The following CHD9 variants were observed in gnomAD, a reference collection of about 807,000 sequenced individuals.
CHD9 encodes the protein ATP-dependent chromatin remodeler CHD9.
A neutral mutation model predicts 316.1 loss-of-function variants in CHD9; 77 were observed. That is an observed-to-expected ratio of 0.24 (90% CI 0.20 to 0.29). CHD9 has a LOEUF of 0.29. Among genes scored for constraint, CHD9 ranks in the 10% least tolerant of loss-of-function variants. The probability of loss-of-function intolerance (pLI) is 1.00; values close to 1 mark genes in which losing one functional copy is unlikely to be tolerated. For synonymous variants in CHD9, 1,129 were observed against 1,158.3 expected, an observed-to-expected ratio of 0.97 and a Z score of 0.51; for missense variants, 2,763 against 3,438.1, an observed-to-expected ratio of 0.80 and a Z score of 4.91.
chr16:53,186,694 T>G (rs1007171710), intron 2 of CHD9, among the ~76,000 whole-genome samples: 4 of 152,228 alleles, frequency 2.6e-5, no homozygotes, highest in Admixed American at 6.5e-5. Flanking sequence ...AAGGACCAGG[T>G]GGAGATAATT....
At chr16:53,070,625 G>T (rs577304194) in intron 1 of CHD9, among the ~76,000 whole-genome samples, 22 of 150,986 alleles carry the variant, frequency 1.5e-4, no homozygotes, top group African/African-American at 5.4e-4. Context: ...CGTGATCTTG[G>T]CTCACTGCAA....
At chr16:53,150,803 A>G (rs995420205) in intron 1 of CHD9, among the ~76,000 whole-genome samples, 2 of 152,094 alleles carry the variant, frequency 1.3e-5, no homozygotes, top group African/African-American at 4.8e-5. Flanking sequence ...TCATGTCAGC[A>G]CCTCTGGCCT....
chr16:53,189,826 GAT>G (rs2044337424), intron 2 of CHD9, among the ~76,000 whole-genome samples: 1 of 152,020 alleles, frequency 6.6e-6, no homozygotes, highest in Non-Finnish European at 1.5e-5. Flanking sequence ...TATAAATGAA[GAT>G]ATATTTTATT....
At chr16:53,258,167 G>A (rs779949478) in intron 19 of CHD9, among the ~76,000 whole-genome samples, 1 of 152,158 alleles carries the variant, frequency 6.6e-6, no homozygotes, top group African/African-American at 2.4e-5. Flanking sequence ...TTCATAAGCT[G>A]AGTGACCTTG....
At chr16:53,088,977 T>A (rs1490620756) in intron 1 of CHD9, among the ~76,000 whole-genome samples, 1 of 151,996 alleles carries the variant, frequency 6.6e-6, no homozygotes, top group Non-Finnish European at 1.5e-5. Flanking sequence ...CTGAGCATGG[T>A]GATGCGTGCC....
intron 2 of CHD9, among the ~76,000 whole-genome samples, chr16:53,160,131 A>G (rs916865607): frequency 6.6e-6 from 1 of 152,168 alleles, no homozygotes; most frequent in Non-Finnish European, 1.5e-5. Context: ...AGGTGCATCT[A>G]TCTACTTTGT....
intron 1 of CHD9, chr16:53,121,681 TA>T (rs1433554882): frequency 4.4e-6 from 1 of 227,402 alleles, no homozygotes; most frequent in Non-Finnish European, 9.0e-6. Context: ...AGCATGCTTT[TA>T]AATGATCTTT....
At chr16:53,289,425 A>G (rs1308572114) in intron 27 of CHD9, among the ~76,000 whole-genome samples, 1 of 152,130 alleles carries the variant, frequency 6.6e-6, no homozygotes, top group Non-Finnish European at 1.5e-5. Context: ...TGTGGAAAAT[A>G]CATTTATTGA....
intron 3 of CHD9, among the ~76,000 whole-genome samples, chr16:53,210,290 C>CAA (rs5816890): frequency 8.9e-5 from 10 of 112,158 alleles, no homozygotes; most frequent in Non-Finnish European, 1.2e-4. Context: ...AATGAAATGG[C>CAA]AAAAAAAAAA....
intron 24 of CHD9, among the ~76,000 whole-genome samples, chr16:53,274,600 C>A (rs1205957448): frequency 6.6e-6 from 1 of 152,054 alleles, no homozygotes; most frequent in South Asian, 2.1e-4. Flanking sequence ...GGATTACAGG[C>A]ATGCGTCACC....
At chr16:53,160,675 G>T in intron 2 of CHD9, among the ~76,000 whole-genome samples, 1 of 152,282 alleles carries the variant, frequency 6.6e-6, no homozygotes, top group South Asian at 2.1e-4. Context: ...GGGAGGCCGC[G>T]GTGGGTGGAT....
rs113647852 is a variant in CHD9 at position 53,107,950 on chromosome 16, A to G, written c.-164-47976A>G. ...GGGAGAAAAACAAAGCAGGGGATACAATAGGGAGGGAGGGGTGAAGGGAGA... is the reference window on the plus strand; with the variant it reads ...GGGAGAAAAACAAAGCAGGGGATACGATAGGGAGGGAGGGGTGAAGGGAGA... On this transcript the variant is annotated intron_variant, in intron 1 of 38. Transcript: ENST00000447540. Among the ~76,000 whole-genome samples the G allele has an allele frequency of 6.9e-3, 1,048 of 152,266 alleles. 10 individuals carry two copies. Among genetic ancestry groups the G allele is most frequent in the African/African-American group, 0.024 (1,009 of 41,560 alleles).
At position 53,324,168 on chromosome 16, in the gene CHD9, A is replaced by G. The variant is rs776017345; in HGVS notation, c.7967A>G (p.Asn2656Ser). The G allele has an allele frequency of 1.9e-6, 3 of 1,613,914 alleles. No homozygotes were observed. Among genetic ancestry groups the G allele is most frequent in the African/African-American group, 1.3e-5 (1 of 74,938 alleles). ...GCATCTGCCACCAGTGTTTCAGGCA[A>G]TCCTTTGTTAGCCAATGGACTACTT... Reference protein sequence around the residue: ...AAASATSVSGNPLLANGLLPG... With the variant: ...AAASATSVSGSPLLANGLLPG... The change falls in exon 39 of 39, where the codon AAT becomes AGT. Residue 2656 changes from asparagine to serine, a missense_variant. Coordinates refer to ENST00000447540, the MANE Select transcript of CHD9 (RefSeq NM_001308319.2).
At chr16:53,139,602 A>G (rs2039955856) in intron 1 of CHD9, among the ~76,000 whole-genome samples, 1 of 152,178 alleles carries the variant, frequency 6.6e-6, no homozygotes, top group Non-Finnish European at 1.5e-5. Context: ...GTCATGGGAA[A>G]GTTTAAATGA....
At chr16:53,088,464 G>C (rs1490795164) in intron 1 of CHD9, among the ~76,000 whole-genome samples, 1 of 151,624 alleles carries the variant, frequency 6.6e-6, no homozygotes, top group African/African-American at 2.4e-5. Flanking sequence ...GTTTTTAGTA[G>C]AGACGGGGTT....
intron 24 of CHD9, among the ~76,000 whole-genome samples, chr16:53,281,702 A>ATGT (rs2053434557): frequency 6.6e-6 from 1 of 152,190 alleles, no homozygotes; most frequent in African/African-American, 2.4e-5. Flanking sequence ...TGCTCCAGCC[A>ATGT]CAGTGGTGGT....
chr16:53,230,444 C>T (rs1201381434), intron 8 of CHD9, among the ~76,000 whole-genome samples: 1 of 152,030 alleles, frequency 6.6e-6, no homozygotes, highest in African/African-American at 2.4e-5. Context: ...ACATATGAGA[C>T]CTCCATCTCT....
intron 1 of CHD9, among the ~76,000 whole-genome samples, chr16:53,062,823 G>T (rs937464409): frequency 6.6e-6 from 1 of 152,160 alleles, no homozygotes; most frequent in Non-Finnish European, 1.5e-5. Flanking sequence ...CTGAGGTTGG[G>T]AGATTGAAAC....
intron 1 of CHD9, among the ~76,000 whole-genome samples, chr16:53,132,059 C>T (rs2039366516): frequency 6.6e-6 from 1 of 152,134 alleles, no homozygotes; most frequent in South Asian, 2.1e-4. Flanking sequence ...CCAGCTCAGA[C>T]TGGTTTCTGT....
Sources: gnomAD v4.1 joint callset for allele counts (sites outside exome capture counted in the v4.1 genomes callset) on GRCh38, gnomAD v4.1.1 for gene constraint, MANE v1.5 for transcripts, NCBI Gene and HGNC (gene_info 2026-07-23, HGNC 2026-07-21) for gene names.